The following TULP2 variants were observed in gnomAD, a reference collection of about 807,000 sequenced individuals.
TULP2 encodes tubby-related protein 2.
Under a neutral mutation model 60.3 loss-of-function variants are expected in TULP2, and 64 were observed. That is an observed-to-expected ratio of 1.06 (90% CI 0.87 to 1.31). TULP2 has a LOEUF of 1.31. TULP2 is among the 50% of genes most tolerant of loss of function. The probability of loss-of-function intolerance (pLI) is 0.00; values close to 1 mark genes in which losing one functional copy is unlikely to be tolerated. For synonymous variants in TULP2, 267 were observed against 265.4 expected (o/e 1.01, Z -0.06); for missense variants, 652 against 667.0 (o/e 0.98, Z 0.25).
rs896149288 is a variant in TULP2, at chr19:48,887,818, A to G, written c.948+132T>C. ...GGTGATCCACCCGCTTCAGCCTCCC[A>G]AAGTGCTGGGATTATAGGCGTGAGC... is the stretch of plus-strand genomic sequence containing the variant. On this transcript the variant is annotated intron_variant, in intron 8 of 12. Transcript: ENST00000221399. The G allele has an allele frequency of 1.0e-5, 10 of 987,396 alleles. No homozygotes were observed. The Admixed American group carries it at 1.9e-4, about 19-fold the overall frequency. The allele number at this position is 987,396 out of a possible 1,614,324, so 61.2% of individuals were successfully genotyped here.
intron 11 of TULP2, among the ~76,000 whole-genome samples, chr19:48,883,181 T>C (rs1444906106): frequency 2.6e-4 from 39 of 148,658 alleles, no homozygotes; most frequent in African/African-American, 9.2e-4. Flanking sequence ...ATCGCGCCAC[T>C]GCACTCCAGC....
At chr19:48,883,235 A>G (rs2037151130) in intron 11 of TULP2, among the ~76,000 whole-genome samples, 1 of 151,134 alleles carries the variant, frequency 6.6e-6, no homozygotes, top group Non-Finnish European at 1.5e-5. Context: ...AAAAAAAAAG[A>G]AAGAAAGAGA....
chr19:48,883,575 G>T (rs1403254662), intron 11 of TULP2, among the ~76,000 whole-genome samples, 179 bp downstream of exon 11: 1 of 152,096 alleles, frequency 6.6e-6, no homozygotes, highest in Non-Finnish European at 1.5e-5. Flanking sequence ...AATGTTTTGA[G>T]TCTCTAGTCT....
intron 12 of TULP2, 108 bp downstream of exon 12, chr19:48,881,923 GC>G: frequency 6.9e-7 from 1 of 1,452,154 alleles, no homozygotes; most frequent in Admixed American, 1.7e-5. Flanking sequence ...GGTGGCATCT[GC>G]CCTGCCTAGA....
intron 9 of TULP2, 101 bp downstream of exon 9, chr19:48,885,347 G>C (rs948649188): frequency 2.2e-6 from 2 of 908,748 alleles, no homozygotes; most frequent in Non-Finnish European, 1.7e-6. Flanking sequence ...TGGTCCCTGA[G>C]CAGGTGGAAG....
At chr19:48,896,897 T>C (rs936994775) in intron 3 of TULP2, among the ~76,000 whole-genome samples, 3 of 151,198 alleles carry the variant, frequency 2.0e-5, no homozygotes, top group African/African-American at 7.3e-5. Context: ...TTACTTTTTT[T>C]TTTTCTTTTT....
intron 8 of TULP2, among the ~76,000 whole-genome samples, chr19:48,886,296 CT>C (rs1286549576): frequency 7.1e-6 from 1 of 141,598 alleles, no homozygotes. Flanking sequence ...AAGACTACGT[CT>C]CAAAAAAAAA....
At chr19:48,884,908 C>CAT (rs1316137706) in intron 9 of TULP2, among the ~76,000 whole-genome samples, 2 of 97,364 alleles carry the variant, frequency 2.1e-5, no homozygotes, top group African/African-American at 8.2e-5. Flanking sequence ...TAGGAACCCT[C>CAT]TTTTTTTTTT....
At position 48,888,105 on chromosome 19, in the gene TULP2, A is replaced by G; in HGVS notation, c.793T>C (p.Cys265Arg). 1 of 1,614,198 alleles carries G rather than the reference A, an allele frequency of 6.2e-7. No individual in the cohort carries two copies. Residue 265 changes from cysteine (C) to arginine (R), a missense_variant, in exon 8 of 13, where the codon TGC becomes CGC. By Grantham distance (180) the Cys-to-Arg change is radical. Coordinates refer to ENST00000221399, the MANE Select transcript of TULP2 (RefSeq NM_003323.3). ...HEASLAIRSP[C>R]PGLEEDMEAY... The stretch of plus-strand genomic sequence containing the variant: ...TCCATGTCCTCCTCCAGCCCAGGGC[A>G]GGGGGAGCGGATTGCCAAGGAGGCT...
chr19:48,886,588 G>T (rs2037181411), intron 8 of TULP2, among the ~76,000 whole-genome samples: 1 of 152,030 alleles, frequency 6.6e-6, no homozygotes, highest in Non-Finnish European at 1.5e-5. Flanking sequence ...ATACCCCGAG[G>T]AGAGGAGACC....
chr19:48,892,713 G>C (rs953960260), intron 6 of TULP2, among the ~76,000 whole-genome samples: 1 of 151,734 alleles, frequency 6.6e-6, no homozygotes, highest in Admixed American at 6.6e-5. Context: ...CTGTGGTCTC[G>C]ATCTCCTGAC....
Position 48,882,331 on chromosome 19 carries a change from C to T in TULP2, c.1276-128G>A, listed in dbSNP as rs1044474832. On this transcript the variant is annotated intron_variant, in intron 11 of 12. Transcript: ENST00000221399. Reference sequence around the variant, plus strand: ...GGGGCTGGGTAAAATGAGGATGAGACCTGCTGGGCTGCGTTCCCAGGAGGT... The same window carrying T: ...GGGGCTGGGTAAAATGAGGATGAGATCTGCTGGGCTGCGTTCCCAGGAGGT... 4.9e-6 allele frequency: 5 copies of T among 1,024,712 alleles called. No homozygotes were observed. The African/African-American group carries it at 6.4e-5, about 13-fold the overall frequency. The allele number at this position is 1,024,712 out of a possible 1,614,324, so 63.5% of individuals were successfully genotyped here.
At chr19:48,890,734 C>A (rs918790964) in intron 6 of TULP2, among the ~76,000 whole-genome samples, 4 of 152,136 alleles carry the variant, frequency 2.6e-5, no homozygotes, top group African/African-American at 9.7e-5. Flanking sequence ...AGCGCCCTCA[C>A]TTGCAACAAC....
intron 6 of TULP2, among the ~76,000 whole-genome samples, chr19:48,892,154 C>T (rs1002761578): frequency 2.0e-5 from 3 of 152,228 alleles, no homozygotes; most frequent in African/African-American, 7.2e-5. Context: ...ACTAATCCTC[C>T]TCAGCACAGA....
rs1158676939 is a variant in TULP2 at position 48,883,238 on chromosome 19, GAA to G, written c.1275+514_1275+515del. Among the ~76,000 whole-genome samples the G allele has an allele frequency of 6.5e-4, 97 of 149,726 alleles. 1 individual carries two copies. Among genetic ancestry groups the G allele is most frequent in the African/African-American group, 2.3e-3 (93 of 40,948 alleles). ...TGTCTCAAAAAAAAAAAAAAAGAAA[GAA>G]AGAGAGAGTCTAAAAGAAGCAGGAA... On this transcript the variant is annotated intron_variant, in intron 11 of 12. Coordinates refer to ENST00000221399, the MANE Select transcript of TULP2 (RefSeq NM_003323.3).
intron 6 of TULP2, among the ~76,000 whole-genome samples, chr19:48,890,821 G>T (rs1051599635): frequency 9.9e-5 from 15 of 152,144 alleles, no homozygotes; most frequent in Non-Finnish European, 1.6e-4. Context: ...ACAGGGAGGG[G>T]TTAGGGTCTT....
intron 11 of TULP2, 56 bp from the exon 12 acceptor site, chr19:48,882,259 G>C: frequency 6.3e-7 from 1 of 1,596,386 alleles, no homozygotes; most frequent in South Asian, 1.1e-5. Context: ...ACTCCATCTT[G>C]AACAGGGGCG....
At position 48,886,623 on chromosome 19, in the gene TULP2, A is replaced by T. The variant is rs190117737; in HGVS notation, c.949-1063T>A. Among the ~76,000 whole-genome samples the T allele has an allele frequency of 3.0e-4, 45 of 152,232 alleles. No individual in the cohort carries two copies. In the East Asian group the frequency reaches 6.8e-3, roughly 23 times the overall value. ...CATACTTGCAGGGTAAAGGCCAGAA[A>T]GACTAGATTGAGAGAAGTGGGGCTT... is the stretch of plus-strand genomic sequence containing the variant. On this transcript the variant is annotated intron_variant, in intron 8 of 12. Transcript: ENST00000221399.
intron 3 of TULP2, 155 bp from the exon 4 acceptor site, chr19:48,896,711 G>C (rs1600032405): frequency 2.3e-6 from 2 of 871,504 alleles, no homozygotes. Flanking sequence ...TTCTTCAGCA[G>C]CTCCTCCCTT....
Sources: gnomAD v4.1 joint callset for allele counts (sites outside exome capture counted in the v4.1 genomes callset) on GRCh38, gnomAD v4.1.1 for gene constraint, MANE v1.5 for transcripts, NCBI Gene and HGNC (gene_info 2026-07-23, HGNC 2026-07-21) for gene names.